The following ROR2 variants were observed in gnomAD, a reference collection of about 807,000 sequenced individuals.
ROR2 encodes tyrosine-protein kinase transmembrane receptor ROR2.
A neutral mutation model predicts 74.9 loss-of-function variants in ROR2; 33 were observed. The observed-to-expected ratio is 0.44, with a 90% CI of 0.33 to 0.59. The LOEUF is 0.59. Among genes scored for constraint, ROR2 ranks in the 20% least tolerant of loss-of-function variants. The probability of loss-of-function intolerance (pLI) is 0.02; values close to 1 mark genes in which losing one functional copy is unlikely to be tolerated. For synonymous variants in ROR2, 586 were observed against 558.7 expected, an observed-to-expected ratio of 1.05 and a Z score of -0.69; for missense variants, 1,216 against 1,313.8, an observed-to-expected ratio of 0.93 and a Z score of 1.15.
intron 1 of ROR2, among the ~76,000 whole-genome samples, chr9:91,815,547 T>C (rs1352308957): frequency 6.6e-6 from 1 of 152,222 alleles, no homozygotes; most frequent in Non-Finnish European, 1.5e-5. Context: ...GACAGGCATA[T>C]AGTGAGTTAC....
chr9:91,753,078 T>A (rs1372949180), intron 4 of ROR2, among the ~76,000 whole-genome samples: 1 of 152,150 alleles, frequency 6.6e-6, no homozygotes, highest in Non-Finnish European at 1.5e-5. Flanking sequence ...AGATATTAAT[T>A]CTCACCAAAC....
chr9:91,853,265 G>A (rs914174810), intron 1 of ROR2, among the ~76,000 whole-genome samples: 14 of 152,202 alleles, frequency 9.2e-5, no homozygotes, highest in African/African-American at 2.9e-4. Context: ...GAGGGCGGGC[G>A]AGTTTAACGA....
chr9:91,742,338 T>C (rs1462891184), intron 4 of ROR2, among the ~76,000 whole-genome samples: 1 of 152,070 alleles, frequency 6.6e-6, no homozygotes, highest in Non-Finnish European at 1.5e-5. Context: ...TCCTGCAACA[T>C]GTGGGAATTC....
At chr9:91,782,094 T>C (rs1826638920) in intron 1 of ROR2, among the ~76,000 whole-genome samples, 1 of 152,210 alleles carries the variant, frequency 6.6e-6, no homozygotes, top group African/African-American at 2.4e-5. Flanking sequence ...GCGGTGAGCC[T>C]GGCCGGGCTG....
intron 4 of ROR2, among the ~76,000 whole-genome samples, chr9:91,745,426 ATTTTTT>A (rs72432798): frequency 4.7e-4 from 47 of 99,740 alleles, no homozygotes; most frequent in Admixed American, 2.5e-3. Context: ...TGCCCAGCCT[ATTTTTT>A]TTTTTTTTTT....
chr9:91,947,894 T>G (rs563945145), intron 1 of ROR2, among the ~76,000 whole-genome samples: 3 of 152,194 alleles, frequency 2.0e-5, no homozygotes, highest in Admixed American at 6.5e-5. Flanking sequence ...TTTATTATTA[T>G]TTTGAATAAA....
chr9:91,906,618 T>C (rs1054982982), intron 1 of ROR2, among the ~76,000 whole-genome samples: 1 of 152,236 alleles, frequency 6.6e-6, no homozygotes, highest in African/African-American at 2.4e-5. Context: ...TTTTGTTCTT[T>C]CGTTGTTGTT....
chr9:91,921,163 C>T (rs192789732), intron 1 of ROR2, among the ~76,000 whole-genome samples: 73 of 152,298 alleles, frequency 4.8e-4, no homozygotes, highest in African/African-American at 1.6e-3. Flanking sequence ...CACAAAGGGT[C>T]CCACAAACTG....
intron 1 of ROR2, among the ~76,000 whole-genome samples, chr9:91,880,681 A>G (rs1020366939): frequency 7.9e-5 from 12 of 152,262 alleles, no homozygotes; most frequent in African/African-American, 2.7e-4. Context: ...CGATTTCTAC[A>G]ACATTGTTTC....
At chr9:91,864,944 C>G (rs761096060) in intron 1 of ROR2, among the ~76,000 whole-genome samples, 1 of 152,110 alleles carries the variant, frequency 6.6e-6, no homozygotes, top group Non-Finnish European at 1.5e-5. Context: ...ATCACTTTAG[C>G]GGACGGGCTT....
chr9:91,829,349 C>T (rs935159960), intron 1 of ROR2, among the ~76,000 whole-genome samples: 3 of 152,022 alleles, frequency 2.0e-5, no homozygotes, highest in African/African-American at 7.2e-5. Flanking sequence ...TCGAGACCAG[C>T]CTGGGCAACA....
intron 2 of ROR2, among the ~76,000 whole-genome samples, chr9:91,766,286 T>C (rs932949349): frequency 2.0e-5 from 3 of 152,170 alleles, no homozygotes; most frequent in East Asian, 1.9e-4. Flanking sequence ...CCTAGGAAAA[T>C]TGGGCTGTTC....
chr9:91,730,244 ATAATGT>A (rs1192985691), intron 7 of ROR2, among the ~76,000 whole-genome samples: 3 of 152,138 alleles, frequency 2.0e-5, no homozygotes, highest in Non-Finnish European at 4.4e-5. Context: ...GCACTGGGAG[ATAATGT>A]TAATGGAGAA....
intron 4 of ROR2, among the ~76,000 whole-genome samples, chr9:91,752,379 C>T (rs1825619922): frequency 6.6e-6 from 1 of 152,172 alleles, no homozygotes. Context: ...TATGTTCATA[C>T]CATAAAATGC....
intron 1 of ROR2, among the ~76,000 whole-genome samples, chr9:91,807,953 G>C (rs1827621079): frequency 6.6e-6 from 1 of 152,112 alleles, no homozygotes; most frequent in African/African-American, 2.4e-5. Context: ...GCTAAGACTT[G>C]TGCTCACCCA....
intron 1 of ROR2, among the ~76,000 whole-genome samples, chr9:91,859,206 T>G (rs2119291496): frequency 6.9e-6 from 1 of 145,906 alleles, no homozygotes; most frequent in Admixed American, 6.7e-5. Flanking sequence ...CCTTTTTTTT[T>G]TTTTTTTTTT....
chr9:91,836,038 G>GCATT (rs1828602531), intron 1 of ROR2, among the ~76,000 whole-genome samples: 1 of 152,172 alleles, frequency 6.6e-6, no homozygotes, highest in African/African-American at 2.4e-5. Context: ...TTTACTTCCT[G>GCATT]CATTCCCCCG....
intron 1 of ROR2, among the ~76,000 whole-genome samples, chr9:91,812,659 T>A (rs561299221): frequency 6.6e-6 from 1 of 151,998 alleles, no homozygotes; most frequent in African/African-American, 2.4e-5. Flanking sequence ...AACTGTGCTA[T>A]TGGTGGAGAG....
chr9:91,949,117 G>T (rs954921750), intron 1 of ROR2, among the ~76,000 whole-genome samples: 1 of 150,370 alleles, frequency 6.7e-6, no homozygotes, highest in Non-Finnish European at 1.5e-5. Flanking sequence ...AGGTCCCGGG[G>T]GTCCCCCCGG....
Sources: allele counts gnomAD v4.1 joint callset (sites outside exome capture counted in the v4.1 genomes callset), GRCh38; gene constraint gnomAD v4.1.1; transcripts MANE v1.5; gene names NCBI Gene and HGNC (gene_info 2026-07-23, HGNC 2026-07-21).